The following QTMAN variants were observed in gnomAD, a reference collection of about 807,000 sequenced individuals.
The protein encoded by QTMAN is queuosine-tRNA mannosyltransferase, also known as tRNA-queuosine alpha-mannosyltransferase.
the QTMAN span, among the ~76,000 whole-genome samples, chr2:144,151,579 C>T: frequency 6.6e-6 from 1 of 152,088 alleles, no homozygotes; most frequent in Non-Finnish European, 1.5e-5. Context: ...TGATAACTGT[C>T]AGGGTTTGCT....
the QTMAN span, among the ~76,000 whole-genome samples, chr2:143,952,242 TA>T: frequency 6.6e-6 from 1 of 151,644 alleles, no homozygotes. Flanking sequence ...TGTTTAATGC[TA>T]AATAAGACTG....
chr2:144,131,980 G>C, the QTMAN span, among the ~76,000 whole-genome samples: 4 of 151,804 alleles, frequency 2.6e-5, no homozygotes, highest in African/African-American at 9.7e-5. Context: ...GTGAGTCTTA[G>C]TGCCCAGCTC....
the QTMAN span, among the ~76,000 whole-genome samples, chr2:144,304,754 A>T: frequency 6.6e-6 from 1 of 152,234 alleles, no homozygotes; most frequent in Non-Finnish European, 1.5e-5. Flanking sequence ...ACATAATAAT[A>T]AATAAAAGCT....
chr2:144,006,823 G>C, the QTMAN span: 8,357 of 172,174 alleles, frequency 0.049, 338 homozygotes, highest in African/African-American at 0.11. Context: ...TGCTGTATCA[G>C]TGTGTATATA....
At chr2:144,281,655 G>T in the QTMAN span, among the ~76,000 whole-genome samples, 28 of 152,086 alleles carry the variant, frequency 1.8e-4, no homozygotes, top group African/African-American at 6.5e-4. Context: ...GAGTGGGTGG[G>T]TCCTAATCTA....
At chr2:144,309,491 C>T in the QTMAN span, among the ~76,000 whole-genome samples, 1 of 152,168 alleles carries the variant, frequency 6.6e-6, no homozygotes, top group Non-Finnish European at 1.5e-5. Flanking sequence ...TCAAAAACAT[C>T]ATGCTCTAAA....
chr2:144,017,237 T>C, the QTMAN span, among the ~76,000 whole-genome samples: 1 of 152,066 alleles, frequency 6.6e-6, no homozygotes, highest in Non-Finnish European at 1.5e-5. Flanking sequence ...TCTCTTGACC[T>C]TGTGATCCAC....
At chr2:144,078,249 A>T in the QTMAN span, among the ~76,000 whole-genome samples, 2 of 152,210 alleles carry the variant, frequency 1.3e-5, no homozygotes, top group Non-Finnish European at 2.9e-5. Flanking sequence ...TTTCCCAGTG[A>T]CAGCATATGA....
At chr2:144,211,293 C>T in the QTMAN span, 6 of 152,610 alleles carry the variant, frequency 3.9e-5, no homozygotes, top group South Asian at 2.1e-4. Flanking sequence ...TTCCACCCCT[C>T]TGACAGCTCA....
chr2:144,148,338 C>G, the QTMAN span, among the ~76,000 whole-genome samples: 1 of 151,698 alleles, frequency 6.6e-6, no homozygotes, highest in East Asian at 1.9e-4. Flanking sequence ...TGTGCAAACA[C>G]ATTAACAGTT....
chr2:144,091,559 T>C, the QTMAN span, among the ~76,000 whole-genome samples: 1 of 152,192 alleles, frequency 6.6e-6, no homozygotes, highest in African/African-American at 2.4e-5. Flanking sequence ...GTGGAGAAAC[T>C]AGAACTCTCA....
At chr2:144,157,837 G>A in the QTMAN span, among the ~76,000 whole-genome samples, 1 of 151,726 alleles carries the variant, frequency 6.6e-6, no homozygotes, top group African/African-American at 2.4e-5. Context: ...TATCTATATA[G>A]TACATGCAAG....
At chr2:144,076,056 G>T in the QTMAN span, among the ~76,000 whole-genome samples, 4 of 152,156 alleles carry the variant, frequency 2.6e-5, no homozygotes, top group Non-Finnish European at 4.4e-5. Flanking sequence ...AGACCATCCT[G>T]GCCAACATGG....
chr2:143,969,804 CAT>C, the QTMAN span, among the ~76,000 whole-genome samples: 1 of 152,136 alleles, frequency 6.6e-6, no homozygotes, highest in Non-Finnish European at 1.5e-5. Context: ...AAAGATGAGC[CAT>C]ATGAGACAAG....
the QTMAN span, among the ~76,000 whole-genome samples, chr2:144,239,700 C>T: frequency 3.9e-3 from 590 of 152,282 alleles, 3 homozygotes; most frequent in African/African-American, 0.014. Flanking sequence ...CTTTGTATTG[C>T]CATCATTCAT....
the QTMAN span, among the ~76,000 whole-genome samples, chr2:143,989,940 T>A: frequency 1.3e-5 from 2 of 152,178 alleles, no homozygotes; most frequent in Admixed American, 1.3e-4. Flanking sequence ...CCTGAATCGA[T>A]TATCCTTATT....
chr2:144,316,876 T>C, the QTMAN span, among the ~76,000 whole-genome samples: 2 of 152,256 alleles, frequency 1.3e-5, no homozygotes, highest in Non-Finnish European at 2.9e-5. Context: ...ACTAGCTGTA[T>C]GATTCTCTAT....
the QTMAN span, among the ~76,000 whole-genome samples, chr2:144,128,777 C>A: frequency 6.6e-6 from 1 of 151,848 alleles, no homozygotes; most frequent in Non-Finnish European, 1.5e-5. Context: ...TAATTCTATT[C>A]TTTCATTAAA....
At chr2:144,230,233 A>C in the QTMAN span, 1 of 152,182 alleles carries the variant, frequency 6.6e-6, no homozygotes, top group Admixed American at 6.5e-5. Context: ...AGGCTTTTAG[A>C]ACTATACCAT....
Sources: allele counts gnomAD v4.1 joint callset (sites outside exome capture counted in the v4.1 genomes callset), GRCh38; gene constraint gnomAD v4.1.1; transcripts MANE v1.5; gene names NCBI Gene and HGNC (gene_info 2026-07-23, HGNC 2026-07-21).